Variants in MKLN1 observed in about 807,000 individuals in gnomAD.
MKLN1 encodes the protein muskelin 1.
MKLN1 carries 18 observed loss-of-function variants against 99.0 expected under a neutral mutation model. That is an observed-to-expected ratio of 0.18 (90% CI 0.13 to 0.27). The LOEUF (loss-of-function observed/expected upper bound fraction) is 0.27. Ranked by LOEUF, MKLN1 falls within the 10% of genes least tolerant of loss-of-function variation. The pLI is 1.00. For synonymous variants in MKLN1, 288 were observed against 293.2 expected (o/e 0.98, Z 0.18); for missense variants, 621 against 875.9 (o/e 0.71, Z 3.67).
At chr7:131,277,839 A>T (rs1488258344) in intron 3 of MKLN1, among the ~76,000 whole-genome samples, 1 of 152,136 alleles carries the variant, frequency 6.6e-6, no homozygotes, top group African/African-American at 2.4e-5. Flanking sequence ...CACTGATTTG[A>T]TCTTTACAAA....
rs770748611 is a variant in MKLN1 at position 131,478,837 on chromosome 7, A to C, written c.2086+160A>C. On this transcript the variant is annotated intron_variant, in intron 17 of 17. Coordinates refer to ENST00000352689, the MANE Select transcript of MKLN1 (RefSeq NM_013255.5). ...GCAAAATTTCTAATAACCTGCTACA[A>C]GGTTGCTTTGAGGTATCATTTTGCA... 1.5e-5 allele frequency: 13 copies of C among 863,160 alleles called. No individual in the cohort carries two copies. In the African/African-American group the frequency reaches 2.0e-4, roughly 13 times the overall value. The allele number at this position is 863,160 out of a possible 1,614,324, so 53.5% of individuals were successfully genotyped here.
rs1264211553 is a variant in MKLN1, at chr7:131,115,244, C to T, written c.-419+5037C>T. Among the ~76,000 whole-genome samples, 5 of 152,178 alleles carry T rather than the reference C, an allele frequency of 3.3e-5. No individual in the cohort carries two copies. In the East Asian group the frequency reaches 9.6e-4, roughly 29 times the overall value. On this transcript the variant is annotated intron_variant, in intron 1 of 7. Transcript: ENST00000416992. ...TAATAGAATTCTTCATTCTCTCAGG[C>T]TTCAAATTAAATGGCATTACCACCC...
At chr7:131,173,681 T>G (rs1327585119) in intron 2 of MKLN1, among the ~76,000 whole-genome samples, 1 of 152,108 alleles carries the variant, frequency 6.6e-6, no homozygotes, top group East Asian at 1.9e-4. Context: ...ATCGTGCCAT[T>G]GCATTCCAAC....
intron 2 of MKLN1, among the ~76,000 whole-genome samples, chr7:131,150,718 C>G (rs1477212570): frequency 6.6e-6 from 1 of 151,974 alleles, no homozygotes; most frequent in Non-Finnish European, 1.5e-5. Context: ...GCTTCACTTT[C>G]AAATGAATAA....
chr7:131,188,571 G>A (rs966937275), intron 2 of MKLN1, among the ~76,000 whole-genome samples: 2 of 152,176 alleles, frequency 1.3e-5, no homozygotes, highest in Admixed American at 1.3e-4. Context: ...GAGGAGAGCC[G>A]AAGCACACAC....
chr7:131,328,057 A>G (rs2116682032), intron 1 of MKLN1, 60 bp downstream of exon 1: 3 of 1,565,688 alleles, frequency 1.9e-6, no homozygotes, highest in Middle Eastern at 4.2e-4. Context: ...CGGTTGGGCC[A>G]GGGGTGCAAT....
chr7:131,250,049 T>C (rs1360831946), intron 3 of MKLN1, among the ~76,000 whole-genome samples: 1 of 152,120 alleles, frequency 6.6e-6, no homozygotes, highest in Admixed American at 6.5e-5. Context: ...TGTAGAATCA[T>C]GCAGTAATTG....
intron 3 of MKLN1, among the ~76,000 whole-genome samples, chr7:131,288,508 T>C (rs543489764): frequency 1.3e-5 from 2 of 152,108 alleles, no homozygotes; most frequent in African/African-American, 2.4e-5. Context: ...GTGATAGAGA[T>C]TCCAAGAAGC....
chr7:131,280,270 C>A (rs1294293543), intron 3 of MKLN1, among the ~76,000 whole-genome samples: 6 of 152,168 alleles, frequency 3.9e-5, no homozygotes, highest in African/African-American at 1.2e-4. Context: ...TGAGCATTCA[C>A]GTACAGGTTT....
At chr7:131,300,401 C>A (rs1798358792) in intron 3 of MKLN1, among the ~76,000 whole-genome samples, 1 of 151,602 alleles carries the variant, frequency 6.6e-6, no homozygotes, top group South Asian at 2.1e-4. Context: ...CAATGTGGGG[C>A]TGGGGGTGGT....
chr7:131,172,283 G>C (rs939808568), intron 2 of MKLN1, among the ~76,000 whole-genome samples: 1 of 150,768 alleles, frequency 6.6e-6, no homozygotes, highest in Admixed American at 6.6e-5. Context: ...TGGGACTACA[G>C]GCGCCTGCCA....
At chr7:131,205,499 G>T (rs1006802507) in intron 3 of MKLN1, among the ~76,000 whole-genome samples, 2 of 152,166 alleles carry the variant, frequency 1.3e-5, no homozygotes, top group Non-Finnish European at 2.9e-5. Context: ...CATTCAGGGA[G>T]GTGGAACAAC....
chr7:131,479,577 A>C (rs898208872), intron 17 of MKLN1, among the ~76,000 whole-genome samples: 1 of 151,770 alleles, frequency 6.6e-6, no homozygotes, highest in Admixed American at 6.6e-5. Context: ...CTGTAATCCC[A>C]GCACTTTGGG....
intron 3 of MKLN1, among the ~76,000 whole-genome samples, chr7:131,224,435 A>G (rs1797108187): frequency 1.3e-5 from 2 of 152,096 alleles, no homozygotes; most frequent in Non-Finnish European, 2.9e-5. Flanking sequence ...AATCCCAGCT[A>G]CTGGGGAGGC....
At chr7:131,446,220 A>C (rs373210120) in intron 12 of MKLN1, among the ~76,000 whole-genome samples, 3 of 151,990 alleles carry the variant, frequency 2.0e-5, no homozygotes, top group Non-Finnish European at 2.9e-5. Context: ...TTCATCTTCT[A>C]TTTTCACTGT....
intron 1 of MKLN1, chr7:131,328,228 A>C (rs1584607821): frequency 1.9e-6 from 1 of 534,290 alleles, no homozygotes; most frequent in Non-Finnish European, 3.3e-6. Context: ...TGTGTGGCGG[A>C]TCCGGGGCGC....
At chr7:131,206,649 G>A (rs1185612045) in intron 3 of MKLN1, among the ~76,000 whole-genome samples, 1 of 151,644 alleles carries the variant, frequency 6.6e-6, no homozygotes, top group African/African-American at 2.4e-5. Flanking sequence ...TCAAACTCCT[G>A]GGTTCAAGCA....
chr7:131,340,671 T>C (rs1799383329), intron 1 of MKLN1, among the ~76,000 whole-genome samples: 1 of 152,230 alleles, frequency 6.6e-6, no homozygotes, highest in Non-Finnish European at 1.5e-5. Flanking sequence ...GGAATTTTCC[T>C]CCATCATCCT....
intron 2 of MKLN1, among the ~76,000 whole-genome samples, chr7:131,200,683 G>A (rs1796713937): frequency 1.3e-5 from 2 of 152,138 alleles, no homozygotes; most frequent in Non-Finnish European, 1.5e-5. Context: ...TCCATGCAAT[G>A]GCTCTGTTTA....
Sources: allele counts gnomAD v4.1 joint callset (sites outside exome capture counted in the v4.1 genomes callset), GRCh38; gene constraint gnomAD v4.1.1; transcripts MANE v1.5; gene names NCBI Gene and HGNC (gene_info 2026-07-23, HGNC 2026-07-21).